DPP10: variants seen among roughly 807,000 people sequenced by gnomAD.
DPP10 encodes the protein dipeptidyl peptidase like 10, also known as inactive dipeptidyl peptidase 10.
In DPP10, 33 loss-of-function variants were observed where a neutral mutation model predicts 120.9. That is an observed-to-expected ratio of 0.27 (90% CI 0.21 to 0.37). The LOEUF is 0.37. Ranked by LOEUF, DPP10 falls within the 10% of genes least tolerant of loss-of-function variation. The pLI, the probability that DPP10 is intolerant of heterozygous loss-of-function variation, is 1.00. For synonymous variants in DPP10, 337 were observed against 326.1 expected (o/e 1.03, Z -0.36); for missense variants, 816 against 942.8 (o/e 0.87, Z 1.76).
At chr2:114,461,927 T>C (rs966306635) in intron 1 of DPP10, 1 of 985,348 alleles carries the variant, frequency 1.0e-6, no homozygotes, top group Non-Finnish European at 1.2e-6. Context: ...GCTGGTATGC[T>C]GGTTAGGAGG....
At chr2:115,686,218 G>A (rs928844401) in intron 5 of DPP10, among the ~76,000 whole-genome samples, 2 of 152,026 alleles carry the variant, frequency 1.3e-5, no homozygotes, top group Non-Finnish European at 2.9e-5. Context: ...CTGCCCCCAA[G>A]CATAGTGATG....
rs67145089 is a variant in DPP10, at chr2:115,836,142, AT to A, written c.1951-10del. The A allele has an allele frequency of 6.5e-5, 81 of 1,255,252 alleles. 1 individual carries two copies. The highest frequency in any genetic ancestry group is 4.8e-4 in the African/African-American group (28 of 58,722). 77.8% of individuals were successfully genotyped at this position (1,255,252 alleles called of 1,614,324 possible). ...GAGATATATATATATATATATATAT[AT>A]TTTTCCCCCCCAGGGTTATGGTGGC... On this transcript the variant is annotated splice_polypyrimidine_tract_variant and intron_variant, in intron 21 of 25. Coordinates refer to ENST00000410059, the MANE Select transcript of DPP10 (RefSeq NM_020868.6).
intron 1 of DPP10, among the ~76,000 whole-genome samples, chr2:115,152,551 T>C (rs1001652403): frequency 1.3e-5 from 2 of 152,226 alleles, no homozygotes; most frequent in African/African-American, 4.8e-5. Context: ...TCTTGTTATG[T>C]AACAGTAAAA....
rs190202325 is a variant in DPP10 at position 114,660,277 on chromosome 2, T to C, written c.60+217439T>C. Among the ~76,000 whole-genome samples, 24 of 152,320 alleles carry C rather than the reference T, an allele frequency of 1.6e-4. No homozygotes were observed. In the East Asian group the frequency reaches 4.4e-3, roughly 28 times the overall value. ...ATGCTTAATATTTACAGGATGCATA[T>C]ATTAGCTGGAAAAAAAATTACACTT... On this transcript the variant is annotated intron_variant, in intron 1 of 25. Coordinates refer to ENST00000410059, the MANE Select transcript of DPP10 (RefSeq NM_020868.6).
At chr2:115,224,170 C>G (rs922383437) in intron 1 of DPP10, among the ~76,000 whole-genome samples, 1 of 151,940 alleles carries the variant, frequency 6.6e-6, no homozygotes, top group Non-Finnish European at 1.5e-5. Flanking sequence ...TCTTAAAAGC[C>G]TCATCTTAAG....
At chr2:115,219,212 T>C (rs755734991) in intron 1 of DPP10, among the ~76,000 whole-genome samples, 1 of 152,124 alleles carries the variant, frequency 6.6e-6, no homozygotes, top group Admixed American at 6.6e-5. Context: ...AGGTCTGCAT[T>C]GACCTCTCTA....
intron 5 of DPP10, among the ~76,000 whole-genome samples, chr2:115,677,918 C>G (rs1210079612): frequency 6.6e-6 from 1 of 152,140 alleles, no homozygotes; most frequent in Non-Finnish European, 1.5e-5. Flanking sequence ...CCAAATAGAC[C>G]TAAAAGGCAT....
intron 1 of DPP10, among the ~76,000 whole-genome samples, chr2:114,553,117 TTTGTTAATAGGCTGTTTG>T (rs1688018914): frequency 6.6e-6 from 1 of 152,242 alleles, no homozygotes; most frequent in Admixed American, 6.5e-5. Flanking sequence ...AAGCCATTTA[TTTGTTAATAGGCTGTTTG>T]GTGGCTTCAC....
chr2:115,523,201 AG>A (rs140926304), intron 4 of DPP10, among the ~76,000 whole-genome samples: 9,432 of 152,008 alleles, frequency 0.062, 461 homozygotes, highest in East Asian at 0.19. Context: ...GAGGCAGTAG[AG>A]GGATAATTAA....
intron 5 of DPP10, among the ~76,000 whole-genome samples, chr2:115,548,181 G>GT (rs1274153679): frequency 6.6e-6 from 1 of 152,098 alleles, no homozygotes; most frequent in East Asian, 1.9e-4. Flanking sequence ...TGATTCCTCT[G>GT]TTTTTTATGG....
intron 1 of DPP10, among the ~76,000 whole-genome samples, chr2:114,550,006 C>T (rs574009658): frequency 6.6e-5 from 10 of 152,266 alleles, no homozygotes; most frequent in Admixed American, 2.6e-4. Context: ...TAGGGACCAC[C>T]GCTGCCTTCA....
At chr2:115,537,679 T>G (rs2078938380) in intron 5 of DPP10, among the ~76,000 whole-genome samples, 1 of 151,128 alleles carries the variant, frequency 6.6e-6, no homozygotes, top group Non-Finnish European at 1.5e-5. Context: ...CTTATTCTGG[T>G]CACCTAATAA....
intron 19 of DPP10, among the ~76,000 whole-genome samples, chr2:115,801,656 T>C (rs1685253937): frequency 1.3e-5 from 2 of 152,218 alleles, no homozygotes; most frequent in Non-Finnish European, 2.9e-5. Flanking sequence ...CTAGTGAATT[T>C]TGTCAAAGGC....
At chr2:115,531,237 C>A (rs1365916934) in intron 5 of DPP10, among the ~76,000 whole-genome samples, 2 of 151,528 alleles carry the variant, frequency 1.3e-5, no homozygotes, top group African/African-American at 4.9e-5. Context: ...ATTAAAAATC[C>A]AAATTCTGTT....
intron 1 of DPP10, among the ~76,000 whole-genome samples, chr2:115,107,029 C>T (rs994137350): frequency 2.0e-5 from 3 of 149,628 alleles, no homozygotes; most frequent in Non-Finnish European, 3.0e-5. Context: ...GAGCTGAGAT[C>T]GAGCCACTGC....
chr2:115,571,520 A>G (rs2081337384), intron 5 of DPP10, among the ~76,000 whole-genome samples: 2 of 152,146 alleles, frequency 1.3e-5, no homozygotes, highest in Non-Finnish European at 1.5e-5. Flanking sequence ...ACTTAGGGTA[A>G]TTGTTGCCAA....
intron 1 of DPP10, among the ~76,000 whole-genome samples, chr2:114,460,169 ATATCTATCTATCTATCTATCTATC>A (rs10686701): frequency 2.0e-4 from 30 of 148,516 alleles, no homozygotes; most frequent in East Asian, 4.0e-4. Flanking sequence ...ATTTGGGATG[ATATCTATCTATCTATCTATCTATC>A]TATCTATCTA....
intron 1 of DPP10, among the ~76,000 whole-genome samples, chr2:114,530,371 TA>T (rs1685864152): frequency 1.3e-5 from 2 of 152,002 alleles, no homozygotes. Flanking sequence ...ACAGCAAAAA[TA>T]AAACTAAAAT....
At chr2:114,739,360 C>G (rs1034323702) in intron 1 of DPP10, among the ~76,000 whole-genome samples, 2 of 152,074 alleles carry the variant, frequency 1.3e-5, no homozygotes, top group Non-Finnish European at 1.5e-5. Flanking sequence ...AGGTCAATTT[C>G]TGATGTAGAA....
Sources: allele counts gnomAD v4.1 joint callset (sites outside exome capture counted in the v4.1 genomes callset), GRCh38; gene constraint gnomAD v4.1.1; transcripts MANE v1.5; gene names NCBI Gene and HGNC (gene_info 2026-07-23, HGNC 2026-07-21).